Variants in PPP2R3A observed in about 807,000 individuals in gnomAD.
PPP2R3A encodes the protein protein phosphatase 2 regulatory subunit B''alpha.
Under a neutral mutation model 106.9 loss-of-function variants are expected in PPP2R3A, and 80 were observed. That is an observed-to-expected ratio of 0.75 (90% confidence interval 0.62 to 0.90). The LOEUF is 0.90. Among genes scored for constraint, PPP2R3A ranks in the 40% least tolerant of loss-of-function variants. The pLI, the probability that PPP2R3A is intolerant of heterozygous loss-of-function variation, is 0.00. For missense variants in PPP2R3A, 1,386 were observed against 1,350.4 expected, an observed-to-expected ratio of 1.03 and a Z score of -0.41; for synonymous variants, 483 against 468.3, an observed-to-expected ratio of 1.03 and a Z score of -0.41.
At chr3:136,019,428 C>T (rs927105302) in intron 2 of PPP2R3A, among the ~76,000 whole-genome samples, 1 of 152,108 alleles carries the variant, frequency 6.6e-6, no homozygotes, top group African/African-American at 2.4e-5. Flanking sequence ...AACAGCTTTT[C>T]TCTTATAATT....
At chr3:136,137,345 T>G (rs1372833344) in intron 13 of PPP2R3A, among the ~76,000 whole-genome samples, 1 of 152,094 alleles carries the variant, frequency 6.6e-6, no homozygotes, top group Non-Finnish European at 1.5e-5. Flanking sequence ...ACTTGGTATA[T>G]TTCTTTTTAA....
chr3:136,076,815 C>T (rs1236562429), intron 6 of PPP2R3A, among the ~76,000 whole-genome samples: 2 of 152,040 alleles, frequency 1.3e-5, no homozygotes, highest in Admixed American at 1.3e-4. Flanking sequence ...GGCATGGTGG[C>T]GGGCACCTGT....
intron 3 of PPP2R3A, among the ~76,000 whole-genome samples, chr3:136,030,776 ATATATGTATGTATGTATGTATGTATG>A (rs1330616048): frequency 8.0e-6 from 1 of 124,446 alleles, no homozygotes; most frequent in Non-Finnish European, 1.6e-5. Flanking sequence ...ATATATATAT[ATATATGTATGTATGTATGTATGTATG>A]TATGTATGTA....
chr3:136,040,303 G>T (rs1019483022), intron 3 of PPP2R3A, among the ~76,000 whole-genome samples: 1 of 152,238 alleles, frequency 6.6e-6, no homozygotes, highest in Non-Finnish European at 1.5e-5. Context: ...ACTTTGGGAG[G>T]CTGAGGCAGG....
intron 5 of PPP2R3A, among the ~76,000 whole-genome samples, chr3:136,054,423 T>C (rs1935792120): frequency 6.6e-6 from 1 of 152,098 alleles, no homozygotes; most frequent in Non-Finnish European, 1.5e-5. Context: ...CACACCCAGC[T>C]AATTTTTGTA....
chr3:136,046,099 C>T (rs1401100217), intron 4 of PPP2R3A, among the ~76,000 whole-genome samples: 2 of 151,920 alleles, frequency 1.3e-5, no homozygotes, highest in Non-Finnish European at 2.9e-5. Context: ...ATCACTTGAG[C>T]CCAGAAGGTT....
intron 6 of PPP2R3A, 61 bp from the exon 7 acceptor site, chr3:136,078,306 T>G: frequency 8.4e-7 from 1 of 1,195,302 alleles, no homozygotes; most frequent in Non-Finnish European, 1.2e-6. Context: ...AAAATGGCCT[T>G]TGAGAAAGTA....
intron 13 of PPP2R3A, among the ~76,000 whole-genome samples, chr3:136,137,778 T>A (rs1938686648): frequency 6.6e-6 from 1 of 152,050 alleles, no homozygotes; most frequent in Admixed American, 6.6e-5. Flanking sequence ...CCTGACCTCG[T>A]GATCCGCCCA....
chr3:136,096,632 C>T (rs1449076786), intron 10 of PPP2R3A, among the ~76,000 whole-genome samples: 1 of 152,222 alleles, frequency 6.6e-6, no homozygotes, highest in Non-Finnish European at 1.5e-5. Flanking sequence ...GTGCTTTTCA[C>T]AGTAGTAAAT....
intron 4 of PPP2R3A, among the ~76,000 whole-genome samples, chr3:136,047,259 GTTTACA>G (rs1365512579): frequency 6.6e-6 from 1 of 152,114 alleles, no homozygotes; most frequent in Non-Finnish European, 1.5e-5. Flanking sequence ...AAAGAACAGA[GTTTACA>G]TTTCAATCCA....
At chr3:136,131,050 A>T (rs1404594719) in intron 13 of PPP2R3A, among the ~76,000 whole-genome samples, 1 of 152,232 alleles carries the variant, frequency 6.6e-6, no homozygotes, top group Non-Finnish European at 1.5e-5. Context: ...CTAAAACCAT[A>T]AAAACCCTAG....
intron 6 of PPP2R3A, among the ~76,000 whole-genome samples, chr3:136,074,151 G>A (rs1463394955): frequency 6.6e-6 from 1 of 152,190 alleles, no homozygotes; most frequent in African/African-American, 2.4e-5. Context: ...TTTGCATTTG[G>A]AAGAAACCAC....
chr3:136,106,137 T>C, intron 12 of PPP2R3A, 79 bp from the exon 13 acceptor site: 1 of 1,174,354 alleles, frequency 8.5e-7, no homozygotes, highest in Non-Finnish European at 1.2e-6. Context: ...TTCAGCAGTA[T>C]ACATTTGTGT....
At chr3:136,108,721 A>T (rs1214419567) in intron 13 of PPP2R3A, among the ~76,000 whole-genome samples, 2 of 152,036 alleles carry the variant, frequency 1.3e-5, no homozygotes, top group Non-Finnish European at 2.9e-5. Flanking sequence ...CAGTTTTAAA[A>T]ATTCAAGTCA....
chr3:136,091,699 T>G (rs910436673), intron 10 of PPP2R3A, among the ~76,000 whole-genome samples: 3 of 152,238 alleles, frequency 2.0e-5, no homozygotes, highest in African/African-American at 7.2e-5. Context: ...GTTAGATTAT[T>G]TTTAAATAAC....
intron 4 of PPP2R3A, 109 bp downstream of exon 4, chr3:136,041,071 C>A: frequency 2.5e-6 from 2 of 792,364 alleles, no homozygotes; most frequent in African/African-American, 1.8e-5. Flanking sequence ...TCCCTTTACT[C>A]TTTATATCAA....
chr3:136,061,548 A>G (rs1199228986), intron 5 of PPP2R3A, among the ~76,000 whole-genome samples: 2 of 152,000 alleles, frequency 1.3e-5, no homozygotes, highest in African/African-American at 4.8e-5. Context: ...GAATTGCTTG[A>G]ACTTGGGAGG....
chr3:136,093,212 C>T (rs1218717631), intron 10 of PPP2R3A, among the ~76,000 whole-genome samples: 1 of 152,170 alleles, frequency 6.6e-6, no homozygotes, highest in African/African-American at 2.4e-5. Flanking sequence ...AATTCAATAC[C>T]AGCCTGGGCA....
At chr3:136,058,135 C>A (rs1935939863) in intron 5 of PPP2R3A, among the ~76,000 whole-genome samples, 1 of 152,118 alleles carries the variant, frequency 6.6e-6, no homozygotes, top group Admixed American at 6.6e-5. Context: ...ATATGACAAG[C>A]ATCATACTGA....
Sources: allele counts gnomAD v4.1 joint callset (sites outside exome capture counted in the v4.1 genomes callset), GRCh38; gene constraint gnomAD v4.1.1; transcripts MANE v1.5; gene names NCBI Gene and HGNC (gene_info 2026-07-23, HGNC 2026-07-21).